The following RIPOR2 variants were observed in gnomAD, a reference collection of about 807,000 sequenced individuals.
RIPOR2 encodes rho family-interacting cell polarization regulator 2.
In RIPOR2, 39 loss-of-function variants were observed where a neutral mutation model predicts 114.5. The ratio of observed to expected loss-of-function variants is 0.34; its 90% confidence interval spans 0.26 to 0.44. RIPOR2 has a LOEUF of 0.44. Ranked by LOEUF, RIPOR2 falls within the 20% of genes least tolerant of loss-of-function variation. RIPOR2 has a pLI of 1.00. For missense variants in RIPOR2, 1,007 were observed against 1,255.1 expected, an observed-to-expected ratio of 0.80 and a Z score of 2.99; for synonymous variants, 445 against 484.4, an observed-to-expected ratio of 0.92 and a Z score of 1.07.
intron 1 of RIPOR2, chr6:25,024,382 A>T: frequency 7.8e-7 from 1 of 1,283,446 alleles, no homozygotes; most frequent in Non-Finnish European, 1.1e-6. Context: ...TTGGCCAGGT[A>T]GGCAATGACA....
chr6:24,933,944 G>A (rs1183030488), intron 1 of RIPOR2, among the ~76,000 whole-genome samples: 1 of 152,204 alleles, frequency 6.6e-6, no homozygotes, highest in Non-Finnish European at 1.5e-5. Flanking sequence ...TCAGGAGAGA[G>A]AACACACAGG....
rs113838136 is a variant in RIPOR2, at chr6:24,870,827, T to C, written c.447+39A>G. On this transcript the variant is annotated intron_variant, in intron 5 of 21. Coordinates refer to ENST00000643898, the MANE Select transcript of RIPOR2 (RefSeq NM_001286445.3). ...CCGTGCCCAGCAAGGATGCAGAATT[T>C]TTTTCTTATTAGCACCCCAACACGG... 5,315 of 1,560,742 alleles carry C rather than the reference T, an allele frequency of 3.4e-3. 84 individuals are homozygous for C. The African/African-American group carries it at 0.041, about 12-fold the overall frequency.
intron 1 of RIPOR2, among the ~76,000 whole-genome samples, chr6:24,964,262 C>G (rs1445113661): frequency 6.6e-6 from 1 of 152,032 alleles, no homozygotes; most frequent in East Asian, 1.9e-4. Context: ...CGCTACAGAG[C>G]TCTCCCTCAT....
chr6:24,840,106 C>A, intron 13 of RIPOR2: 1 of 698,738 alleles, frequency 1.4e-6, no homozygotes, highest in Non-Finnish European at 1.8e-6. Flanking sequence ...TGTGCCACCA[C>A]ACCAGGCTAA....
At chr6:24,869,613 C>T (rs893544476) in intron 5 of RIPOR2, among the ~76,000 whole-genome samples, 7 of 151,998 alleles carry the variant, frequency 4.6e-5, no homozygotes, top group East Asian at 1.9e-4. Context: ...CCACCATGCC[C>T]GGCCCTGGAA....
intron 18 of RIPOR2, among the ~76,000 whole-genome samples, chr6:24,826,450 A>T (rs941647415): frequency 2.0e-5 from 3 of 152,162 alleles, no homozygotes; most frequent in African/African-American, 7.2e-5. Context: ...TCCATGAATA[A>T]AGCAACATTC....
intron 1 of RIPOR2, among the ~76,000 whole-genome samples, chr6:25,036,938 G>A (rs1777281960): frequency 1.3e-5 from 2 of 152,112 alleles, no homozygotes; most frequent in Non-Finnish European, 2.9e-5. Context: ...GAGGAAGATG[G>A]GGATGCCTTC....
chr6:25,028,221 G>A (rs894917206), intron 1 of RIPOR2, among the ~76,000 whole-genome samples: 2 of 152,092 alleles, frequency 1.3e-5, no homozygotes, highest in East Asian at 1.9e-4. Context: ...CTCAGACATC[G>A]CCAGCCCTTG....
At chr6:24,972,470 T>C (rs957258304) in intron 1 of RIPOR2, among the ~76,000 whole-genome samples, 1 of 152,168 alleles carries the variant, frequency 6.6e-6, no homozygotes, top group South Asian at 2.1e-4. Flanking sequence ...ACAGAAACCA[T>C]TACGTTAGAA....
intron 12 of RIPOR2, chr6:24,847,699 A>G: frequency 6.5e-7 from 1 of 1,545,164 alleles, no homozygotes; most frequent in Admixed American, 2.0e-5. Context: ...CCTCTTCAGA[A>G]GTGAAAGCAA....
intron 1 of RIPOR2, among the ~76,000 whole-genome samples, chr6:24,933,879 T>C (rs1771575985): frequency 6.6e-6 from 1 of 152,112 alleles, no homozygotes; most frequent in Non-Finnish European, 1.5e-5. Flanking sequence ...CCTCAGCCAT[T>C]CCACTACAAC....
At chr6:24,941,101 C>T (rs534902014) in intron 1 of RIPOR2, among the ~76,000 whole-genome samples, 27 of 152,072 alleles carry the variant, frequency 1.8e-4, no homozygotes, top group Admixed American at 1.3e-4. Flanking sequence ...CAGTTTCAGG[C>T]GCATCATTAG....
chr6:25,001,444 G>A lies in RIPOR2; in HGVS notation c.76+40407C>T, dbSNP rs903031639. 6.6e-5 allele frequency among the ~76,000 whole-genome samples: 10 copies of A among 151,796 alleles called. No individual in the cohort carries two copies. In the East Asian group the frequency reaches 9.8e-4, roughly 15 times the overall value. On this transcript the variant is annotated intron_variant, in intron 1 of 13. Coordinates refer to the RIPOR2 transcript ENST00000510784. Reference sequence around the variant, plus strand: ...TTGAGACCAGCCTGGCCAACATGGTGTAACCCCGTCTCTACTAAGAATACA... The same window carrying A: ...TTGAGACCAGCCTGGCCAACATGGTATAACCCCGTCTCTACTAAGAATACA...
chr6:24,985,472 C>A (rs1167244504), intron 1 of RIPOR2, among the ~76,000 whole-genome samples: 2 of 152,088 alleles, frequency 1.3e-5, no homozygotes, highest in Admixed American at 6.6e-5. Context: ...TCAGCAGGAG[C>A]ACATTGTTTC....
At chr6:24,905,094 A>G (rs1768840320) in intron 1 of RIPOR2, among the ~76,000 whole-genome samples, 1 of 152,084 alleles carries the variant, frequency 6.6e-6, no homozygotes, top group Admixed American at 6.6e-5. Flanking sequence ...CTTCTTGAGT[A>G]TAGGTTAGGC....
intron 5 of RIPOR2, 107 bp from the exon 6 acceptor site, chr6:24,869,254 A>G: frequency 1.7e-6 from 1 of 575,488 alleles, no homozygotes; most frequent in South Asian, 2.4e-5. Flanking sequence ...AGAAAATCCA[A>G]TATATTTCCC....
intron 13 of RIPOR2, among the ~76,000 whole-genome samples, chr6:24,840,928 C>A (rs1043448045): frequency 2.0e-5 from 3 of 152,198 alleles, no homozygotes; most frequent in African/African-American, 7.2e-5. Flanking sequence ...GTCTTGACTT[C>A]ACCTACTTCT....
rs1760057799 is a variant in RIPOR2, at chr6:24,825,261, C to T, written c.2833G>A (p.Ala945Thr). 6.4e-7 allele frequency: 1 copy of T among 1,551,128 alleles called. No homozygotes were observed. The highest frequency in any genetic ancestry group is 2.0e-5 in the Admixed American group (1 of 50,976). ...AAATGCTGATTTTTGGAGGCTGCTGCCAAGTAAAGCGTCACAGCCTCACTA... is the reference window on the plus strand; with the variant it reads ...AAATGCTGATTTTTGGAGGCTGCTGTCAAGTAAAGCGTCACAGCCTCACTA... ...EVSEAVTLYL[A>T]AASKNQHFRE... The change falls in exon 19 of 22, where the codon GCA (alanine) becomes ACA (threonine). Residue 945 changes from alanine to threonine, a missense_variant. By Grantham distance (58) the Ala-to-Thr change is moderately conservative. Transcript: ENST00000643898.
chr6:24,915,549 G>A (rs1274640019), intron 1 of RIPOR2, among the ~76,000 whole-genome samples: 1 of 152,110 alleles, frequency 6.6e-6, no homozygotes, highest in African/African-American at 2.4e-5. Context: ...ATTTTTAGTA[G>A]AGATGGGGTT....
Sources: allele counts gnomAD v4.1 joint callset (sites outside exome capture counted in the v4.1 genomes callset), GRCh38; gene constraint gnomAD v4.1.1; transcripts MANE v1.5; gene names NCBI Gene and HGNC (gene_info 2026-07-23, HGNC 2026-07-21).